The following HSPA4 variants were observed in gnomAD, a reference collection of about 807,000 sequenced individuals.
HSPA4 encodes the protein heat shock 70 kDa protein 4.
In HSPA4, 25 loss-of-function variants were observed where a neutral mutation model predicts 106.2. The observed-to-expected ratio is 0.24, with a 90% confidence interval of 0.17 to 0.33. The LOEUF (loss-of-function observed/expected upper bound fraction) is 0.33, where lower values mean the gene tolerates loss of function less well. Ranked by LOEUF, HSPA4 falls within the 10% of genes least tolerant of loss-of-function variation. The pLI, the probability that HSPA4 is intolerant of heterozygous loss-of-function variation, is 1.00. For synonymous variants in HSPA4, 332 were observed against 333.6 expected (o/e 1.00, Z 0.05); for missense variants, 841 against 996.0 (o/e 0.84, Z 2.10).
At chr5:133,099,884 A>G (rs911930869) in intron 16 of HSPA4, among the ~76,000 whole-genome samples, 1 of 152,142 alleles carries the variant, frequency 6.6e-6, no homozygotes, top group Admixed American at 6.5e-5. Context: ...ACTGAACTGG[A>G]TGTTTAGTGC....
At chr5:133,084,304 G>A (rs2126708304) in intron 7 of HSPA4, among the ~76,000 whole-genome samples, 1 of 152,262 alleles carries the variant, frequency 6.6e-6, no homozygotes, top group African/African-American at 2.4e-5. Flanking sequence ...CTGTGCCATT[G>A]TAGGTTTGTT....
At chr5:133,102,398 T>A (rs1459990736) in intron 17 of HSPA4, among the ~76,000 whole-genome samples, 2 of 152,252 alleles carry the variant, frequency 1.3e-5, no homozygotes, top group Non-Finnish European at 2.9e-5. Context: ...GAATCTGGAA[T>A]TGAACAGTGT....
chr5:133,063,641 G>A (rs1396477775), intron 1 of HSPA4, among the ~76,000 whole-genome samples: 5 of 152,052 alleles, frequency 3.3e-5, no homozygotes, highest in East Asian at 1.9e-4. Context: ...TCATGTGGGC[G>A]TGGCTGGTCT....
chr5:133,086,920 T>C, intron 8 of HSPA4, 62 bp downstream of exon 8: 2 of 1,258,862 alleles, frequency 1.6e-6, no homozygotes, highest in Admixed American at 3.6e-5. Context: ...TTGTTATTTA[T>C]TATCTTACTT....
At chr5:133,093,992 C>CT (rs1373627339) in intron 13 of HSPA4, among the ~76,000 whole-genome samples, 1 of 152,114 alleles carries the variant, frequency 6.6e-6, no homozygotes, top group Non-Finnish European at 1.5e-5. Context: ...ACCCAGGAGG[C>CT]TGAGGCATGA....
chr5:133,061,422 G>A (rs1463760159), intron 1 of HSPA4, among the ~76,000 whole-genome samples: 2 of 135,632 alleles, frequency 1.5e-5, no homozygotes, highest in Non-Finnish European at 3.2e-5. Context: ...GCGCCCGGCC[G>A]TGTTTTCTAA....
At chr5:133,059,667 T>C (rs1483457377) in intron 1 of HSPA4, among the ~76,000 whole-genome samples, 6 of 152,286 alleles carry the variant, frequency 3.9e-5, no homozygotes, top group South Asian at 2.1e-4. Flanking sequence ...TGGAGTCTGA[T>C]GGTCCTAATT....
At chr5:133,054,803 G>C (rs935485188) in intron 1 of HSPA4, among the ~76,000 whole-genome samples, 5 of 151,972 alleles carry the variant, frequency 3.3e-5, no homozygotes, top group Admixed American at 6.6e-5. Context: ...GTGTTTTCTT[G>C]GTCTATAAAA....
chr5:133,101,207 T>C (rs1765780795), intron 16 of HSPA4, among the ~76,000 whole-genome samples: 1 of 152,204 alleles, frequency 6.6e-6, no homozygotes, highest in Non-Finnish European at 1.5e-5. Flanking sequence ...CTCATAGATT[T>C]TATTGATGTC....
intron 7 of HSPA4, among the ~76,000 whole-genome samples, chr5:133,079,770 A>G (rs1212425628): frequency 6.6e-6 from 1 of 151,952 alleles, no homozygotes; most frequent in Non-Finnish European, 1.5e-5. Context: ...GTCAACACTT[A>G]TTTTCAATTA....
rs1765620344 is a variant in HSPA4, at chr5:133,089,662, C to T, written c.1345C>T (p.Pro449Ser). The T allele has an allele frequency of 6.2e-7, 1 of 1,610,894 alleles. No individual in the cohort carries two copies. The highest frequency in any genetic ancestry group is 1.1e-5 in the South Asian group (1 of 90,740). Residue 449 changes from proline (P) to serine (S), a missense_variant, in exon 11 of 19, where the codon CCT becomes TCT. Pro to Ser is a moderately conservative substitution (Grantham distance 74). Around this residue, in one of 5 missense-constraint regions of HSPA4, gnomAD observed 162 missense variants for 177.7 expected, o/e 0.91. Coordinates refer to ENST00000304858, the MANE Select transcript of HSPA4 (RefSeq NM_002154.4). ...CACTCTTGAGGCCTACTACAGCTCT[C>T]CTCAGGATTTGCCCTATCCAGATCC... ...PFTLEAYYSS[P>S]QDLPYPDPAI...
In HSPA4 at chr5:133,086,697, G is replaced by GT; in HGVS notation, c.909-79dup. On this transcript the variant is annotated intron_variant, in intron 7 of 18. Coordinates refer to ENST00000304858, the MANE Select transcript of HSPA4 (RefSeq NM_002154.4). Reference sequence around the variant, plus strand: ...ATTTTGCCAGCACTTGTTGTTACCTGTTTTTTATTATAGCCATCCATTCCA... The same window carrying GT: ...ATTTTGCCAGCACTTGTTGTTACCTGTTTTTTTATTATAGCCATCCATTCCA... 5 of 934,668 alleles carry GT rather than the reference G, an allele frequency of 5.3e-6. No individual in the cohort carries two copies. In the East Asian group the frequency reaches 9.7e-5, roughly 18 times the overall value. The allele number at this position is 934,668 out of a possible 1,614,324, so 57.9% of individuals were successfully genotyped here.
chr5:133,099,765 G>T (rs1003740317), intron 16 of HSPA4, 113 bp downstream of exon 16: 3 of 514,866 alleles, frequency 5.8e-6, no homozygotes, highest in Non-Finnish European at 1.1e-5. Context: ...GATGTTTGAT[G>T]AACTAAAATA....
At chr5:133,100,575 G>A (rs567225067) in intron 16 of HSPA4, among the ~76,000 whole-genome samples, 3 of 152,132 alleles carry the variant, frequency 2.0e-5, no homozygotes, top group Non-Finnish European at 2.9e-5. Flanking sequence ...CTAGGCGGGC[G>A]GATCACGAGG....
At chr5:133,075,899 ATTCTAATT>A (rs1168824482) in intron 6 of HSPA4, 2 of 152,214 alleles carry the variant, frequency 1.3e-5, no homozygotes, top group Admixed American at 6.6e-5. Context: ...GATGTATTTC[ATTCTAATT>A]TTCTAAGAAA....
chr5:133,101,603 C>G (rs1765785556), intron 16 of HSPA4, 156 bp from the exon 17 acceptor site: 3 of 641,182 alleles, frequency 4.7e-6, no homozygotes, highest in Non-Finnish European at 7.8e-6. Context: ...CATTCCCCTC[C>G]TGAAGTAGCT....
In HSPA4 at chr5:133,097,220, G is replaced by A. The variant is rs770901178; in HGVS notation, c.1863G>A (p.Val621=). ...AGCGGAATGATGCTAAGAACGCAGT[G>A]GAGGAATATGTGTATGAAATGAGAG... ...EKERNDAKNA[V]EEYVYEMRDK... Residue 621 remains valine, a synonymous_variant, in exon 15 of 19, where the codon GTG becomes GTA. Coordinates refer to ENST00000304858, the MANE Select transcript of HSPA4 (RefSeq NM_002154.4). The A allele has an allele frequency of 3.1e-6, 5 of 1,611,890 alleles. No homozygotes were observed. Among genetic ancestry groups the A allele is most frequent in the Non-Finnish European group, 3.4e-6 (4 of 1,178,264 alleles).
chr5:133,065,168 T>A lies in HSPA4; in HGVS notation c.165+131T>A, dbSNP rs568408922. The stretch of plus-strand genomic sequence containing the variant: ...AATACAACTGGCAGATACAGACCTC[T>A]TCTCTGTTCCCATGTACAGTCAGCC... On this transcript the variant is annotated intron_variant, in intron 2 of 18. Transcript: ENST00000304858. 2.6e-4 allele frequency: 179 copies of A among 686,674 alleles called. No homozygotes were observed. In the African/African-American group the frequency reaches 3.0e-3, roughly 12 times the overall value. 42.5% of individuals were successfully genotyped at this position (686,674 alleles called of 1,614,324 possible). A position where few individuals can be genotyped will look rare whatever the true frequency, so the allele number is the denominator to read the frequency against.
chr5:133,078,205 G>A (rs1581472596), intron 7 of HSPA4, among the ~76,000 whole-genome samples: 1 of 152,036 alleles, frequency 6.6e-6, no homozygotes. Context: ...GGTGGCGGGT[G>A]CCTGTAGTCC....
Sources: allele counts gnomAD v4.1 joint callset (sites outside exome capture counted in the v4.1 genomes callset), GRCh38; gene constraint gnomAD v4.1.1; regional missense constraint gnomAD v4.1.1; transcripts MANE v1.5; gene names NCBI Gene and HGNC (gene_info 2026-07-23, HGNC 2026-07-21).